Variants in PHIP observed in about 807,000 individuals in gnomAD.
The protein encoded by PHIP is PH-interacting protein.
PHIP carries 54 observed loss-of-function variants against 236.8 expected under a neutral mutation model. The observed-to-expected ratio is 0.23, with a 90% CI of 0.18 to 0.29. The LOEUF (loss-of-function observed/expected upper bound fraction) is 0.29. Among genes scored for constraint, PHIP ranks in the 10% least tolerant of loss-of-function variants. The pLI, the probability that PHIP is intolerant of heterozygous loss-of-function variation, is 1.00. For synonymous variants in PHIP, 756 were observed against 718.9 expected, an observed-to-expected ratio of 1.05 and a Z score of -0.83; for missense variants, 1,370 against 2,190.8, an observed-to-expected ratio of 0.63 and a Z score of 7.48.
At chr6:78,968,691 C>T (rs1767315356) in intron 27 of PHIP, among the ~76,000 whole-genome samples, 1 of 152,036 alleles carries the variant, frequency 6.6e-6, no homozygotes, top group Non-Finnish European at 1.5e-5. Flanking sequence ...CTAAGCAAAA[C>T]AGCATATAAT....
At chr6:79,059,591 T>TTATTTATATATA (rs1235977083) in intron 6 of PHIP, among the ~76,000 whole-genome samples, 5 of 84,760 alleles carry the variant, frequency 5.9e-5, no homozygotes, top group African/African-American at 1.9e-4. Flanking sequence ...GAAAGCAAAA[T>TTATTTATATATA]TATATATATA....
In PHIP at chr6:78,935,434, T is replaced by C; in HGVS notation, c.*5259A>G. 2 of 893,260 alleles carry C rather than the reference T, an allele frequency of 2.2e-6. No individual in the cohort carries two copies. The highest frequency in any genetic ancestry group is 2.7e-6 in the Non-Finnish European group (2 of 746,034). The allele number at this position is 893,260 out of a possible 1,614,324, so 55.3% of individuals were successfully genotyped here. Reference sequence around the variant, plus strand: ...AATTTCTAGGAAAACTGCAATAACCTTCTTTCCATCATTCCTTTTTTCCCA... The same window carrying C: ...AATTTCTAGGAAAACTGCAATAACCCTCTTTCCATCATTCCTTTTTTCCCA... On this transcript the variant is annotated 3_prime_UTR_variant, in exon 40 of 40. Coordinates refer to ENST00000275034, the MANE Select transcript of PHIP (RefSeq NM_017934.7).
chr6:79,013,924 G>C (rs1447814566), intron 15 of PHIP, among the ~76,000 whole-genome samples: 1 of 151,224 alleles, frequency 6.6e-6, no homozygotes, highest in African/African-American at 2.4e-5. Context: ...GAAACACAAG[G>C]ATAGAAAAGC....
chr6:78,953,541 G>GCAT (rs1223403159), intron 35 of PHIP, among the ~76,000 whole-genome samples: 1 of 152,168 alleles, frequency 6.6e-6, no homozygotes, highest in Non-Finnish European at 1.5e-5. Context: ...GAACATTATA[G>GCAT]CATCAGCTCA....
At chr6:78,961,885 A>G in intron 30 of PHIP, 75 bp from the exon 31 acceptor site, 1 of 1,146,656 alleles carries the variant, frequency 8.7e-7, no homozygotes, top group Non-Finnish European at 1.2e-6. Flanking sequence ...TGCTTGAATT[A>G]AGACTTAAAA....
At position 78,935,333 on chromosome 6, in the gene PHIP, T is replaced by A. The variant is rs1773231421; in HGVS notation, c.*5360A>T. ...GTGCTTAATTTGAAATGTTATGGCC[T>A]TATGTATTCATATCTAATGGTCTTC... On this transcript the variant is annotated 3_prime_UTR_variant, in exon 40 of 40. Transcript: ENST00000275034. The A allele has an allele frequency of 6.3e-6, 1 of 159,632 alleles. No homozygotes were observed. The highest frequency in any genetic ancestry group is 2.0e-4 in the South Asian group (1 of 4,940). The allele number at this position is 159,632 out of a possible 1,614,324, so 9.9% of individuals were successfully genotyped here.
chr6:79,061,587 A>T (rs1000893891), intron 4 of PHIP, among the ~76,000 whole-genome samples: 1 of 152,114 alleles, frequency 6.6e-6, no homozygotes, highest in Non-Finnish European at 1.5e-5. Context: ...TTGTTTGGGA[A>T]TAATTATTAT....
intron 7 of PHIP, among the ~76,000 whole-genome samples, chr6:79,027,129 T>C (rs1489466508): frequency 6.6e-6 from 1 of 152,132 alleles, no homozygotes; most frequent in Non-Finnish European, 1.5e-5. Context: ...TATGGAGGCA[T>C]ATAATTCAGA....
intron 27 of PHIP, 101 bp downstream of exon 27, chr6:78,969,734 T>C (rs1376541389): frequency 1.8e-6 from 1 of 566,036 alleles, no homozygotes; most frequent in East Asian, 3.0e-5. Flanking sequence ...AGCAAAAAGA[T>C]TTCTCTGATA....
At chr6:78,960,266 C>T (rs796086083) in intron 31 of PHIP, among the ~76,000 whole-genome samples, 6 of 152,202 alleles carry the variant, frequency 3.9e-5, no homozygotes, top group African/African-American at 1.4e-4. Flanking sequence ...ATATTTACAA[C>T]AATATTGGAA....
intron 7 of PHIP, among the ~76,000 whole-genome samples, chr6:79,029,238 G>T (rs1167804690): frequency 2.0e-5 from 3 of 152,014 alleles, no homozygotes; most frequent in Non-Finnish European, 4.4e-5. Context: ...GAAGTTTGCT[G>T]CCCCTACCCC....
chr6:78,935,780 G>A lies in PHIP; in HGVS notation c.*4913C>T, dbSNP rs1179903485. 1.3e-5 allele frequency: 13 copies of A among 982,606 alleles called. No individual in the cohort carries two copies. The highest frequency in any genetic ancestry group is 5.2e-5 in the African/African-American group (3 of 57,162). The allele number at this position is 982,606 out of a possible 1,614,324, so 60.9% of individuals were successfully genotyped here. A position where few individuals can be genotyped will look rare whatever the true frequency, so the allele number is the denominator to read the frequency against. On this transcript the variant is annotated 3_prime_UTR_variant, in exon 40 of 40. Transcript: ENST00000275034. ...ATCTGCCATATGACCACTTTGGTAA[G>A]CAGCTTGTTGAGATTATGTACTAAG...
chr6:78,966,339 G>C (rs1767130736), intron 27 of PHIP, among the ~76,000 whole-genome samples: 1 of 152,098 alleles, frequency 6.6e-6, no homozygotes, highest in Non-Finnish European at 1.5e-5. Flanking sequence ...TACCAATCTA[G>C]CATTTGAAAT....
chr6:78,998,046 AT>A (rs1769742930), intron 18 of PHIP, among the ~76,000 whole-genome samples: 1 of 152,206 alleles, frequency 6.6e-6, no homozygotes, highest in Admixed American at 6.5e-5. Flanking sequence ...AGACATACAC[AT>A]TTAAAAACTC....
rs1386919917 is a variant in PHIP at position 78,939,905 on chromosome 6, T to C, written c.*788A>G. On this transcript the variant is annotated 3_prime_UTR_variant, in exon 40 of 40. Transcript: ENST00000275034. ...TTTAGAATATATAGCCTTTCCAATA[T>C]TGAAAAGTGTATGCTGTCCTGACGT... is the stretch of plus-strand genomic sequence containing the variant. 2 of 152,496 alleles carry C rather than the reference T, an allele frequency of 1.3e-5. No homozygotes were observed. Among genetic ancestry groups the C allele is most frequent in the African/African-American group, 4.8e-5 (2 of 41,444 alleles). The allele number at this position is 152,496 out of a possible 1,614,324, so 9.4% of individuals were successfully genotyped here.
chr6:78,968,333 T>C (rs1192202746), intron 27 of PHIP, among the ~76,000 whole-genome samples: 1 of 152,226 alleles, frequency 6.6e-6, no homozygotes, highest in Non-Finnish European at 1.5e-5. Flanking sequence ...GACATGGGTT[T>C]TAACTGACCA....
At chr6:79,066,684 C>T (rs1353111284) in intron 4 of PHIP, among the ~76,000 whole-genome samples, 1 of 152,130 alleles carries the variant, frequency 6.6e-6, no homozygotes, top group Non-Finnish European at 1.5e-5. Flanking sequence ...TAAAAGGGAA[C>T]ACTTTAAAAA....
intron 4 of PHIP, among the ~76,000 whole-genome samples, chr6:79,064,437 T>A (rs1773524982): frequency 6.6e-6 from 1 of 152,178 alleles, no homozygotes; most frequent in Non-Finnish European, 1.5e-5. Flanking sequence ...TAATTTCGTA[T>A]CCCATCCTCT....
At chr6:79,051,754 T>C (rs1457832020) in intron 6 of PHIP, among the ~76,000 whole-genome samples, 3 of 152,232 alleles carry the variant, frequency 2.0e-5, no homozygotes, top group African/African-American at 7.2e-5. Flanking sequence ...TTAGGAATAG[T>C]ATTTAATCTT....
Sources: gnomAD v4.1 joint callset for allele counts (sites outside exome capture counted in the v4.1 genomes callset) on GRCh38, gnomAD v4.1.1 for gene constraint, MANE v1.5 for transcripts, NCBI Gene and HGNC (gene_info 2026-07-23, HGNC 2026-07-21) for gene names.